The following SEL1L2 variants were observed in gnomAD, a reference collection of about 807,000 sequenced individuals.
The protein encoded by SEL1L2 is SEL1L2 adaptor subunit of SYVN1 ubiquitin ligase.
In SEL1L2, 89 loss-of-function variants were observed where a neutral mutation model predicts 98.8. The observed-to-expected ratio is 0.90, with a 90% CI of 0.76 to 1.07. SEL1L2 has a LOEUF of 1.07. Among genes scored for constraint, SEL1L2 ranks in the 50% least tolerant of loss-of-function variants. SEL1L2 has a pLI of 0.00. For missense variants in SEL1L2, 788 were observed against 812.0 expected (o/e 0.97, Z 0.36); for synonymous variants, 262 against 278.5 (o/e 0.94, Z 0.59).
chr20:13,946,088 T>C (rs1008886877), intron 2 of SEL1L2, among the ~76,000 whole-genome samples: 1 of 152,210 alleles, frequency 6.6e-6, no homozygotes, highest in Non-Finnish European at 1.5e-5. Flanking sequence ...CACTGTTAAC[T>C]GCTTTCATTC....
At chr20:13,920,091 A>G (rs1441534573) in intron 3 of SEL1L2, among the ~76,000 whole-genome samples, 2 of 151,684 alleles carry the variant, frequency 1.3e-5, no homozygotes, top group African/African-American at 4.8e-5. Context: ...TTAGCTGGGC[A>G]GTGGCGTGCA....
upstream of SEL1L2, among the ~76,000 whole-genome samples, chr20:13,991,555 TTG>T (rs572026060): frequency 1.4e-3 from 216 of 152,352 alleles, no homozygotes; most frequent in African/African-American, 5.0e-3. Flanking sequence ...ATTCCTTGAT[TTG>T]TGACCACATC....
At chr20:13,969,409 T>G (rs2051186979) in intron 1 of SEL1L2, among the ~76,000 whole-genome samples, 1 of 152,236 alleles carries the variant, frequency 6.6e-6, no homozygotes, top group Non-Finnish European at 1.5e-5. Flanking sequence ...TGTTGTGTTT[T>G]GTTTTTCTTT....
At chr20:13,955,708 G>C (rs1451096796) in intron 2 of SEL1L2, among the ~76,000 whole-genome samples, 2 of 152,190 alleles carry the variant, frequency 1.3e-5, no homozygotes, top group African/African-American at 4.8e-5. Flanking sequence ...TCATAAGATT[G>C]ATAACGTTTA....
chr20:13,969,938 A>G (rs1017083579), intron 1 of SEL1L2, among the ~76,000 whole-genome samples: 4 of 150,988 alleles, frequency 2.6e-5, no homozygotes, highest in Non-Finnish European at 5.9e-5. Flanking sequence ...AGGAAGTGGT[A>G]CTCCCTTGTC....
At chr20:13,881,284 T>C (rs555413245) in intron 10 of SEL1L2, among the ~76,000 whole-genome samples, 28 of 152,316 alleles carry the variant, frequency 1.8e-4, no homozygotes, top group African/African-American at 6.7e-4. Context: ...AGTACTGGGA[T>C]TGCAGGCGTG....
intron 2 of SEL1L2, among the ~76,000 whole-genome samples, chr20:13,933,191 C>T (rs1280816028): frequency 6.6e-6 from 1 of 151,626 alleles, no homozygotes; most frequent in East Asian, 1.9e-4. Flanking sequence ...CCAGCGTACT[C>T]CAGAGTGACT....
At chr20:13,885,945 G>A (rs935475713) in intron 9 of SEL1L2, among the ~76,000 whole-genome samples, 1 of 151,996 alleles carries the variant, frequency 6.6e-6, no homozygotes, top group African/African-American at 2.4e-5. Context: ...GCTGAGGCAG[G>A]AGAATGGTGT....
intron 13 of SEL1L2, 91 bp downstream of exon 13, chr20:13,870,050 T>C: frequency 2.2e-6 from 2 of 898,556 alleles, no homozygotes; most frequent in Middle Eastern, 2.3e-4. Flanking sequence ...AACCAGATAA[T>C]AGAGATAAAT....
At chr20:13,850,521 T>A (rs758981843) in intron 18 of SEL1L2, among the ~76,000 whole-genome samples, 6 of 152,142 alleles carry the variant, frequency 3.9e-5, no homozygotes, top group Non-Finnish European at 7.4e-5. Flanking sequence ...AAGAGAGATG[T>A]GGTGGAGGGA....
intron 12 of SEL1L2, among the ~76,000 whole-genome samples, chr20:13,875,583 G>T (rs1370025581): frequency 6.6e-6 from 1 of 152,306 alleles, no homozygotes; most frequent in Admixed American, 6.5e-5. Context: ...ACAAGCTCCC[G>T]CCTGGGCCAG....
intron 18 of SEL1L2, among the ~76,000 whole-genome samples, chr20:13,852,083 A>G (rs1345273006): frequency 6.6e-6 from 1 of 152,198 alleles, no homozygotes; most frequent in Non-Finnish European, 1.5e-5. Context: ...TGTTCATTTG[A>G]AAGCACCCTG....
Position 13,850,293 on chromosome 20 carries a change from G to C in SEL1L2, c.1845C>G (p.Tyr615Ter), listed in dbSNP as rs140015347. ...TKDIHLARRL[Y>*]DMAAQTSPDA... ...CTGGACTCGTTTGAGCAGCCATGTC[G>C]TACAATCTTCTGGCCAAGTGAATGT... is the stretch of plus-strand genomic sequence containing the variant. Residue 615 changes from tyrosine to a stop codon, truncating the protein, a stop_gained, in exon 19 of 20, where the codon TAC becomes TAG. Transcript: ENST00000284951. LOFTEE classifies it high-confidence loss of function. The C allele has an allele frequency of 6.2e-7, 1 of 1,614,020 alleles. No homozygotes were observed. Among genetic ancestry groups the C allele is most frequent in the Non-Finnish European group, 8.5e-7 (1 of 1,179,902 alleles).
chr20:13,986,978 G>A (rs935242958), intron 1 of SEL1L2, among the ~76,000 whole-genome samples: 1 of 152,048 alleles, frequency 6.6e-6, no homozygotes, highest in African/African-American at 2.4e-5. Flanking sequence ...GACTACAGGT[G>A]CCCGCCACAA....
chr20:13,941,713 A>G (rs1421535182), intron 2 of SEL1L2, among the ~76,000 whole-genome samples: 1 of 152,196 alleles, frequency 6.6e-6, no homozygotes, highest in African/African-American at 2.4e-5. Context: ...GCAGACCTGT[A>G]TATGTGGTAA....
At chr20:13,863,412 A>G (rs527901077) in intron 17 of SEL1L2, among the ~76,000 whole-genome samples, 32 of 152,326 alleles carry the variant, frequency 2.1e-4, no homozygotes, top group African/African-American at 7.2e-4. Context: ...GTGGGGATCA[A>G]CTGACAGTGG....
intron 15 of SEL1L2, among the ~76,000 whole-genome samples, chr20:13,866,010 T>C (rs1419127483): frequency 6.6e-6 from 1 of 152,130 alleles, no homozygotes; most frequent in Non-Finnish European, 1.5e-5. Flanking sequence ...GGGGGACAAA[T>C]GTCAACTTAG....
At position 13,933,368 on chromosome 20, in the gene SEL1L2, T is replaced by G. The variant is rs574899544; in HGVS notation, c.115-1597A>C. Reference sequence around the variant, plus strand: ...TTACCACAGTCAATTTTAGAACATTTTTATCACCTTAAGAAAAAACCACAA... The same window carrying G: ...TTACCACAGTCAATTTTAGAACATTGTTATCACCTTAAGAAAAAACCACAA... On this transcript the variant is annotated intron_variant, in intron 2 of 19. Coordinates refer to ENST00000284951, the MANE Select transcript of SEL1L2 (RefSeq NM_025229.2). Among the ~76,000 whole-genome samples, 4 of 152,230 alleles carry G rather than the reference T, an allele frequency of 2.6e-5. No individual in the cohort carries two copies. The East Asian group carries it at 7.7e-4, about 29-fold the overall frequency.
intron 12 of SEL1L2, among the ~76,000 whole-genome samples, chr20:13,870,990 A>G: frequency 6.6e-6 from 1 of 151,602 alleles, no homozygotes; most frequent in East Asian, 1.9e-4. Context: ...GGGACACTCT[A>G]TTGCCTGATT....
Sources: allele counts gnomAD v4.1 joint callset (sites outside exome capture counted in the v4.1 genomes callset), GRCh38; gene constraint gnomAD v4.1.1; transcripts MANE v1.5; gene names NCBI Gene and HGNC (gene_info 2026-07-23, HGNC 2026-07-21).